SUCLG2: variants seen among roughly 807,000 people sequenced by gnomAD.
The protein encoded by SUCLG2 is succinate-CoA ligase GDP-forming subunit beta.
A neutral mutation model predicts 47.9 loss-of-function variants in SUCLG2; 42 were observed. The ratio of observed to expected loss-of-function variants is 0.88; its 90% CI spans 0.69 to 1.14. The LOEUF is 1.14. Among genes scored for constraint, SUCLG2 ranks in the 50% most tolerant of loss-of-function variants. SUCLG2 has a pLI of 0.00. For missense variants in SUCLG2, 571 were observed against 525.9 expected (o/e 1.09, Z -0.84); for synonymous variants, 195 against 197.3 (o/e 0.99, Z 0.10).
chr3:67,376,451 T>C (rs1702036481), intron 10 of SUCLG2: 3 of 985,384 alleles, frequency 3.0e-6, no homozygotes, highest in Non-Finnish European at 3.6e-6. Context: ...AAAGGTGTGC[T>C]TGGGGACTAT....
chr3:67,591,636 G>A (rs1708168379), intron 2 of SUCLG2, among the ~76,000 whole-genome samples: 1 of 152,074 alleles, frequency 6.6e-6, no homozygotes, highest in Admixed American at 6.5e-5. Flanking sequence ...TTCACCTCCA[G>A]CCATGTTTCT....
At chr3:67,423,710 C>T (rs553133454) in intron 9 of SUCLG2, among the ~76,000 whole-genome samples, 33 of 152,230 alleles carry the variant, frequency 2.2e-4, no homozygotes, top group African/African-American at 7.0e-4. Flanking sequence ...TTCTTATTTC[C>T]GCTATTTTAA....
intron 1 of SUCLG2, among the ~76,000 whole-genome samples, chr3:67,623,222 T>C (rs1361800508): frequency 2.6e-5 from 4 of 152,186 alleles, no homozygotes; most frequent in African/African-American, 9.7e-5. Context: ...AAATTGCGGC[T>C]GGGCGTGGTG....
intron 2 of SUCLG2, among the ~76,000 whole-genome samples, chr3:67,594,346 ACCATACTAT>A (rs921491172): frequency 1.3e-4 from 20 of 152,318 alleles, no homozygotes; most frequent in East Asian, 7.7e-4. Flanking sequence ...GCCAGACCTC[ACCATACTAT>A]CCTTTTCTAA....
intron 2 of SUCLG2, among the ~76,000 whole-genome samples, chr3:67,605,652 T>C (rs1329065772): frequency 6.6e-6 from 1 of 152,000 alleles, no homozygotes; most frequent in African/African-American, 2.4e-5. Context: ...TATGCACTGG[T>C]GAAACCTGCA....
At chr3:67,494,578 A>G (rs1425010987) in intron 9 of SUCLG2, among the ~76,000 whole-genome samples, 1 of 152,204 alleles carries the variant, frequency 6.6e-6, no homozygotes, top group African/African-American at 2.4e-5. Flanking sequence ...GTGAACTATG[A>G]TAACACCACA....
chr3:67,602,426 G>A (rs993185452), intron 2 of SUCLG2, among the ~76,000 whole-genome samples: 3 of 152,020 alleles, frequency 2.0e-5, no homozygotes, highest in East Asian at 3.9e-4. Flanking sequence ...CCTTGATCTC[G>A]CCCTTCACTC....
intron 10 of SUCLG2, among the ~76,000 whole-genome samples, chr3:67,390,709 C>A (rs180957502): frequency 2.9e-3 from 439 of 151,434 alleles, no homozygotes; most frequent in Non-Finnish European, 3.9e-3. Context: ...ATTGCCTAGA[C>A]GGTTAACTTG....
intron 10 of SUCLG2, among the ~76,000 whole-genome samples, chr3:67,400,045 C>T (rs190170529): frequency 1.2e-4 from 18 of 152,120 alleles, no homozygotes. Flanking sequence ...AACAAACGGA[C>T]AAAACTACTC....
chr3:67,577,320 A>T (rs886137233), intron 2 of SUCLG2, among the ~76,000 whole-genome samples: 1 of 151,892 alleles, frequency 6.6e-6, no homozygotes, highest in African/African-American at 2.4e-5. Flanking sequence ...AACAAAAAAA[A>T]AAGTTAAGTG....
intron 2 of SUCLG2, among the ~76,000 whole-genome samples, chr3:67,558,059 C>A (rs1459938966): frequency 2.0e-5 from 3 of 152,188 alleles, no homozygotes; most frequent in African/African-American, 7.2e-5. Context: ...CTCTTCCCTT[C>A]CAAAGCCTGT....
chr3:67,392,446 G>T (rs1273850252), intron 10 of SUCLG2, among the ~76,000 whole-genome samples: 1 of 152,160 alleles, frequency 6.6e-6, no homozygotes, highest in East Asian at 1.9e-4. Context: ...AAGGCTCACA[G>T]GACCTGATCA....
chr3:67,392,641 C>T (rs1475586174), intron 10 of SUCLG2, among the ~76,000 whole-genome samples: 1 of 152,134 alleles, frequency 6.6e-6, no homozygotes, highest in South Asian at 2.1e-4. Flanking sequence ...TAGGCAGGGG[C>T]AGAGGGGTGC....
intron 9 of SUCLG2, among the ~76,000 whole-genome samples, chr3:67,495,180 A>T (rs1705299300): frequency 6.6e-6 from 1 of 152,182 alleles, no homozygotes; most frequent in Non-Finnish European, 1.5e-5. Context: ...TAAGCATAGG[A>T]CCAGTCACTT....
chr3:67,440,902 C>A (rs1703743641), intron 9 of SUCLG2, among the ~76,000 whole-genome samples: 1 of 152,174 alleles, frequency 6.6e-6, no homozygotes, highest in Non-Finnish European at 1.5e-5. Flanking sequence ...GATTACAAAT[C>A]ATTTTACTAT....
At chr3:67,553,637 C>CA (rs1162051142) in intron 2 of SUCLG2, among the ~76,000 whole-genome samples, 1 of 152,112 alleles carries the variant, frequency 6.6e-6, no homozygotes, top group Non-Finnish European at 1.5e-5. Flanking sequence ...TAAAGTACTT[C>CA]AATTTCTGAC....
At chr3:67,644,698 A>C (rs1373774536) in intron 1 of SUCLG2, among the ~76,000 whole-genome samples, 1 of 151,830 alleles carries the variant, frequency 6.6e-6, no homozygotes, top group African/African-American at 2.4e-5. Flanking sequence ...ATATATAATA[A>C]AAATTTTAAA....
At chr3:67,643,360 C>T (rs1212830667) in intron 1 of SUCLG2, among the ~76,000 whole-genome samples, 1 of 152,174 alleles carries the variant, frequency 6.6e-6, no homozygotes, top group Non-Finnish European at 1.5e-5. Context: ...ATTTAATTCA[C>T]TGTTTAATAT....
chr3:67,508,924 T>TAGAA (rs1457543793), intron 6 of SUCLG2, 21 bp from the exon 7 acceptor site: 18 of 1,551,746 alleles, frequency 1.2e-5, no homozygotes, highest in Non-Finnish European at 1.5e-5. Context: ...TCAAGTGAAA[T>TAGAA]AGAATTACAC....
Sources: gnomAD v4.1 joint callset for allele counts (sites outside exome capture counted in the v4.1 genomes callset) on GRCh38, gnomAD v4.1.1 for gene constraint, MANE v1.5 for transcripts, NCBI Gene and HGNC (gene_info 2026-07-23, HGNC 2026-07-21) for gene names.